The following RC3H2 variants were observed in gnomAD, a reference collection of about 807,000 sequenced individuals.
RC3H2 encodes the protein roquin-2.
A neutral mutation model predicts 133.3 loss-of-function variants in RC3H2; 31 were observed. The ratio of observed to expected loss-of-function variants is 0.23; its 90% confidence interval spans 0.17 to 0.31. The LOEUF (loss-of-function observed/expected upper bound fraction) is 0.31, where lower values mean the gene tolerates loss of function less well. RC3H2 is among the 10% of genes least tolerant of loss of function. The probability of loss-of-function intolerance (pLI) is 1.00; values close to 1 mark genes in which losing one functional copy is unlikely to be tolerated. For missense variants in RC3H2, 1,175 were observed against 1,437.2 expected, an observed-to-expected ratio of 0.82 and a Z score of 2.95; for synonymous variants, 517 against 502.2, an observed-to-expected ratio of 1.03 and a Z score of -0.40.
chr9:122,852,538 G>T (rs1471029600), intron 18 of RC3H2, among the ~76,000 whole-genome samples: 2 of 146,794 alleles, frequency 1.4e-5, no homozygotes, highest in African/African-American at 2.5e-5. Flanking sequence ...GAGGTGGGGG[G>T]GTCAGCCCCC....
intron 9 of RC3H2, among the ~76,000 whole-genome samples, chr9:122,869,161 C>T (rs995386021): frequency 6.6e-6 from 1 of 152,072 alleles, no homozygotes; most frequent in Non-Finnish European, 1.5e-5. Flanking sequence ...CCACTTCGGC[C>T]TCCCAAAGTG....
chr9:122,895,364 C>T (rs574402389), intron 2 of RC3H2, among the ~76,000 whole-genome samples: 135 of 150,426 alleles, frequency 9.0e-4, no homozygotes, highest in African/African-American at 3.0e-3. Context: ...GATGGGGTTT[C>T]GCCATGTTGT....
chr9:122,852,113 C>T (rs1486688791), intron 18 of RC3H2, among the ~76,000 whole-genome samples: 1 of 149,884 alleles, frequency 6.7e-6, no homozygotes, highest in African/African-American at 2.5e-5. Context: ...CCCGGCCGCC[C>T]GTCGTCTGGG....
At chr9:122,866,453 G>C (rs945910147) in intron 9 of RC3H2, among the ~76,000 whole-genome samples, 3 of 143,084 alleles carry the variant, frequency 2.1e-5, no homozygotes, top group Non-Finnish European at 3.0e-5. Flanking sequence ...CTCTGATGCC[G>C]AGCCGAAGCT....
intron 15 of RC3H2, 100 bp downstream of exon 15, chr9:122,855,084 G>C: frequency 6.4e-6 from 6 of 941,130 alleles, no homozygotes; most frequent in Non-Finnish European, 9.5e-6. Context: ...CTGCATTCCA[G>C]TCTGGGCAAC....
intron 9 of RC3H2, among the ~76,000 whole-genome samples, chr9:122,868,279 T>A (rs1021039489): frequency 2.0e-5 from 3 of 151,988 alleles, no homozygotes; most frequent in African/African-American, 7.3e-5. Flanking sequence ...TGATGACAAT[T>A]GCGGTTTTGT....
chr9:122,893,691 G>T (rs537624926), intron 2 of RC3H2, among the ~76,000 whole-genome samples: 2 of 151,970 alleles, frequency 1.3e-5, no homozygotes, highest in Non-Finnish European at 2.9e-5. Context: ...CAACTTTTTT[G>T]TAAGTCTGAA....
chr9:122,873,382 T>C (rs930688975), intron 9 of RC3H2, among the ~76,000 whole-genome samples: 1 of 152,174 alleles, frequency 6.6e-6, no homozygotes, highest in South Asian at 2.1e-4. Context: ...ACTGAGTTTA[T>C]GTTATCAGGT....
Position 122,905,226 on chromosome 9 carries a change from C to G in RC3H2, c.-184G>C, listed in dbSNP as rs1195159763. On this transcript the variant is annotated 5_prime_UTR_variant, in exon 1 of 21. Coordinates refer to ENST00000357244, the MANE Select transcript of RC3H2 (RefSeq NM_001100588.3). ...CAGAGCTCGGCGGAGGTTTCACGAC[C>G]TCAAACTCCATCGGGAGCTACAGGG... The G allele has an allele frequency of 8.5e-5, 84 of 985,548 alleles. No individual in the cohort carries two copies. Among genetic ancestry groups the G allele is most frequent in the Non-Finnish European group, 9.3e-5 (77 of 829,952 alleles). The allele number at this position is 985,548 out of a possible 1,614,324, so 61.1% of individuals were successfully genotyped here.
chr9:122,905,018 G>A (rs746777386), intron 1 of RC3H2, 92 bp downstream of exon 1: 39 of 884,688 alleles, frequency 4.4e-5, no homozygotes, highest in Non-Finnish European at 4.9e-5. Context: ...CAGCGCACAG[G>A]CCCCAGGGCT....
chr9:122,852,467 C>A (rs1344738507), intron 18 of RC3H2, among the ~76,000 whole-genome samples: 4 of 147,576 alleles, frequency 2.7e-5, no homozygotes, highest in African/African-American at 7.6e-5. Context: ...CGCCTCTGCC[C>A]GGCCGCCCCT....
At position 122,877,526 on chromosome 9, in the gene RC3H2, C is replaced by T. The variant is rs1315557750; in HGVS notation, c.1270G>A (p.Gly424Ser). The T allele has an allele frequency of 1.2e-6, 2 of 1,614,224 alleles. No homozygotes were observed. The highest frequency in any genetic ancestry group is 1.1e-5 in the South Asian group (1 of 91,088). Residue 424 changes from glycine to serine, a missense_variant, in exon 9 of 21, where the codon GGT becomes AGT. Gly to Ser is a moderately conservative substitution (Grantham distance 56, BLOSUM62 0). Transcript: ENST00000357244. ...SMCRDLRQQG[G>S]CPRGTNCTFA... Reference sequence around the variant, plus strand: ...GTACAATTTGTTCCTCGTGGACAACCCCCTTGCTGTCGCAAATCTCGGCAC... The same window carrying T: ...GTACAATTTGTTCCTCGTGGACAACTCCCTTGCTGTCGCAAATCTCGGCAC...
At chr9:122,869,225 G>A (rs938182095) in intron 9 of RC3H2, among the ~76,000 whole-genome samples, 6 of 151,836 alleles carry the variant, frequency 4.0e-5, no homozygotes, top group South Asian at 2.1e-4. Flanking sequence ...TTTTTAAAGC[G>A]GTGAAAAATT....
intron 18 of RC3H2, among the ~76,000 whole-genome samples, chr9:122,852,197 T>C (rs1364478172): frequency 6.9e-6 from 1 of 145,880 alleles, no homozygotes; most frequent in East Asian, 2.1e-4. Flanking sequence ...CCACCCCGTC[T>C]GGGAGGTGAG....
At chr9:122,888,491 T>C (rs1385683155) in intron 4 of RC3H2, among the ~76,000 whole-genome samples, 1 of 150,238 alleles carries the variant, frequency 6.7e-6, no homozygotes, top group African/African-American at 2.4e-5. Context: ...TAGTCTTCTA[T>C]TTTTTTGCCA....
In RC3H2 at chr9:122,845,450, G is replaced by A. The variant is rs1199996806; in HGVS notation, c.*4177C>T. The A allele has an allele frequency of 6.6e-6, 1 of 152,158 alleles. No individual in the cohort carries two copies. Among genetic ancestry groups the A allele is most frequent in the Non-Finnish European group, 1.5e-5 (1 of 68,026 alleles). The allele number at this position is 152,158 out of a possible 1,614,324, so 9.4% of individuals were successfully genotyped here. A position where few individuals can be genotyped will look rare whatever the true frequency, so the allele number is the denominator to read the frequency against. ...GAGGCCTAATTCTCGACAGGTTGAT[G>A]GAATATGTGCAAATGACCTTGGCTT... On this transcript the variant is annotated 3_prime_UTR_variant, in exon 21 of 21. Coordinates refer to ENST00000357244, the MANE Select transcript of RC3H2 (RefSeq NM_001100588.3).
intron 13 of RC3H2, 42 bp downstream of exon 13, chr9:122,857,881 T>G (rs564907038): frequency 5.8e-6 from 9 of 1,553,658 alleles, no homozygotes; most frequent in Non-Finnish European, 1.8e-6. Context: ...GTCAGCTGTT[T>G]GACCTATCCC....
chr9:122,876,500 C>T (rs934052871), intron 9 of RC3H2, among the ~76,000 whole-genome samples: 14 of 151,744 alleles, frequency 9.2e-5, no homozygotes, highest in African/African-American at 3.4e-4. Flanking sequence ...TGGTGGTGGG[C>T]GCCTGTGGTT....
At chr9:122,866,457 C>T (rs1392010553) in intron 9 of RC3H2, among the ~76,000 whole-genome samples, 1 of 148,108 alleles carries the variant, frequency 6.8e-6, no homozygotes, top group Non-Finnish European at 1.5e-5. Flanking sequence ...GATGCCGAGC[C>T]GAAGCTGGAC....
Sources: gnomAD v4.1 joint callset for allele counts (sites outside exome capture counted in the v4.1 genomes callset) on GRCh38, gnomAD v4.1.1 for gene constraint, MANE v1.5 for transcripts, NCBI Gene and HGNC (gene_info 2026-07-23, HGNC 2026-07-21) for gene names.